Variants in CTPS2 observed in about 807,000 individuals in gnomAD.
The protein encoded by CTPS2 is CTP synthase II.
In CTPS2, 19 loss-of-function variants were observed where a neutral mutation model predicts 46.8. The ratio of observed to expected loss-of-function variants is 0.41; its 90% confidence interval spans 0.28 to 0.60. CTPS2 has a LOEUF of 0.60. CTPS2 is among the 20% of genes least tolerant of loss of function. The pLI is 0.35. For synonymous variants in CTPS2, 151 were observed against 165.2 expected (o/e 0.91, Z 0.66); for missense variants, 286 against 447.6 (o/e 0.64, Z 3.26).
rs760278441 is a variant in CTPS2, at chrX:16,612,460, CCTT to C, written c.1547-2778_1547-2776del. 3.6e-5 allele frequency among the ~76,000 whole-genome samples: 4 copies of C among 112,135 alleles called. No homozygotes were observed. In the South Asian group the frequency reaches 1.5e-3, roughly 42 times the overall value. ...AATCTAAATCCTTATGATGAAAGAA[CCTT>C]CTAAGTATTTGATGACAATAATGAC... On this transcript the variant is annotated intron_variant, in intron 16 of 18. Transcript: ENST00000359276.
intron 13 of CTPS2, among the ~76,000 whole-genome samples, chrX:16,652,020 G>A (rs902610752): frequency 3.7e-5 from 4 of 108,207 alleles, no homozygotes; most frequent in Admixed American, 2.0e-4. Context: ...GAGCAGGATG[G>A]GGGGGGCCAG....
At chrX:16,709,848 CAAAAA>C (rs35017705) in intron 1 of CTPS2, among the ~76,000 whole-genome samples, 12 of 23,749 alleles carry the variant, frequency 5.1e-4, no homozygotes, top group Non-Finnish European at 7.4e-4. Context: ...ACTCTGTCTC[CAAAAA>C]AAAAAAAAAA....
chrX:16,609,832 C>T, intron 16 of CTPS2, 147 bp from the exon 17 acceptor site: 1 of 580,155 alleles, frequency 1.7e-6, no homozygotes, highest in Middle Eastern at 5.6e-4. Flanking sequence ...TTTCACTATC[C>T]ATCCATTCCT....
intron 13 of CTPS2, among the ~76,000 whole-genome samples, chrX:16,649,203 A>G (rs1449030170): frequency 1.8e-5 from 2 of 112,561 alleles, no homozygotes; most frequent in Non-Finnish European, 3.7e-5. Context: ...AATGATCACG[A>G]AATATATTTG....
At chrX:16,622,988 G>A (rs912343798) in intron 14 of CTPS2, among the ~76,000 whole-genome samples, 1 of 112,036 alleles carries the variant, frequency 8.9e-6, no homozygotes, top group Admixed American at 9.5e-5. Context: ...AACAGAAAGC[G>A]AACCATTTCA....
intron 3 of CTPS2, among the ~76,000 whole-genome samples, chrX:16,698,563 T>G (rs1400164516): frequency 9.0e-6 from 1 of 111,027 alleles, no homozygotes. Flanking sequence ...TTTGTTTTTT[T>G]TTTTTAAGAT....
chrX:16,656,495 T>C (rs907382504), intron 13 of CTPS2, among the ~76,000 whole-genome samples: 10 of 110,006 alleles, frequency 9.1e-5, no homozygotes, highest in African/African-American at 3.0e-4. Context: ...CTGCAAGCTC[T>C]GCCTTCCGGG....
At position 16,595,066 on chromosome X, in the gene CTPS2, C is replaced by G. The variant is rs781127339; in HGVS notation, c.1692-4204G>C. On this transcript the variant is annotated intron_variant, in intron 17 of 18. Coordinates refer to ENST00000359276, the MANE Select transcript of CTPS2 (RefSeq NM_175859.3). ...TCATTTCTGTTTCACACAGAACAAA[C>G]TTAAGTCATAAGCTAGATGTGTCTG... Among the ~76,000 whole-genome samples, 194 of 111,923 alleles carry G rather than the reference C, an allele frequency of 1.7e-3. 3 individuals are homozygous for G. Among genetic ancestry groups the G allele is most frequent in the Admixed American group, 8.6e-4 (9 of 10,507 alleles).
chrX:16,654,842 C>T (rs1483961516), intron 13 of CTPS2, among the ~76,000 whole-genome samples: 3 of 109,649 alleles, frequency 2.7e-5, no homozygotes, highest in Non-Finnish European at 5.7e-5. Flanking sequence ...GACATGATCA[C>T]GCCACTGCAC....
At chrX:16,681,292 T>C (rs1239331947) in intron 9 of CTPS2, among the ~76,000 whole-genome samples, 1 of 111,805 alleles carries the variant, frequency 8.9e-6, no homozygotes, top group Non-Finnish European at 1.9e-5. Context: ...CAGCAGCTAG[T>C]TCTCCTAAGC....
intron 17 of CTPS2, among the ~76,000 whole-genome samples, chrX:16,599,231 A>C (rs909880440): frequency 7.1e-5 from 8 of 112,003 alleles, no homozygotes; most frequent in African/African-American, 2.6e-4. Context: ...GGAGAAGGAA[A>C]TAAAGGGCCA....
intron 14 of CTPS2, among the ~76,000 whole-genome samples, chrX:16,620,954 A>G (rs1930793167): frequency 8.9e-6 from 1 of 112,407 alleles, no homozygotes; most frequent in Admixed American, 9.4e-5. Context: ...GAGGACAAAG[A>G]CTTAACCACA....
chrX:16,664,822 C>T (rs992093400), intron 13 of CTPS2, among the ~76,000 whole-genome samples: 5 of 111,513 alleles, frequency 4.5e-5, no homozygotes, highest in African/African-American at 1.6e-4. Context: ...GATACTGGCA[C>T]CTAGTGGGCA....
chrX:16,648,096 G>C (rs755731054), intron 13 of CTPS2, among the ~76,000 whole-genome samples: 164 of 111,408 alleles, frequency 1.5e-3, no homozygotes, highest in Non-Finnish European at 1.9e-3. Flanking sequence ...CAGTGAAGTG[G>C]CTTCAAAAAA....
At chrX:16,609,769 A>T (rs1930173315) in intron 16 of CTPS2, 84 bp from the exon 17 acceptor site, 1 of 964,043 alleles carries the variant, frequency 1.0e-6, no homozygotes, top group Non-Finnish European at 1.4e-6. Context: ...GAATATGAAA[A>T]CTCATTAAAT....
intron 13 of CTPS2, among the ~76,000 whole-genome samples, chrX:16,656,908 G>C (rs2147275692): frequency 9.1e-6 from 1 of 110,286 alleles, no homozygotes; most frequent in South Asian, 3.8e-4. Context: ...TTTTGAGATA[G>C]GGTATTGCTC....
chrX:16,667,097 T>C (rs1432162927), intron 13 of CTPS2, among the ~76,000 whole-genome samples: 2 of 107,136 alleles, frequency 1.9e-5, no homozygotes, highest in Admixed American at 2.0e-4. Flanking sequence ...TAAAATGTTC[T>C]GGTGCTGTAA....
Position 16,693,215 on chromosome X carries a change from T to C in CTPS2, c.565A>G (p.Thr189Ala). 1 of 1,208,442 alleles carries C rather than the reference T, an allele frequency of 8.3e-7. No individual in the cohort carries two copies. The change falls in exon 6 of 19, where the codon ACC becomes GCC. Residue 189 changes from threonine (T) to alanine (A), a missense_variant. Thr to Ala is a moderately conservative substitution (Grantham distance 58, BLOSUM62 0). Transcript: ENST00000359276. ...HVSLVPQLSA[T>A]GEQKTKPTQN... ...GTGGGTTTGGTTTTTTGTTCTCCGG[T>C]AGCACTGAGCTGAAAAAAAATGGGG... is the stretch of plus-strand genomic sequence containing the variant.
chrX:16,653,512 A>T (rs969064052), intron 13 of CTPS2, among the ~76,000 whole-genome samples: 2 of 112,005 alleles, frequency 1.8e-5, no homozygotes, highest in African/African-American at 6.5e-5. Context: ...CGGGAGGCTG[A>T]GGCAGGAGGA....
Sources: gnomAD v4.1 joint callset for allele counts (sites outside exome capture counted in the v4.1 genomes callset) on GRCh38, gnomAD v4.1.1 for gene constraint, MANE v1.5 for transcripts, NCBI Gene and HGNC (gene_info 2026-07-23, HGNC 2026-07-21) for gene names.